KLHL6: variants seen among roughly 807,000 people sequenced by gnomAD.
The protein encoded by KLHL6 is kelch-like protein 6.
In KLHL6, 41 loss-of-function variants were observed where a neutral mutation model predicts 58.6. The ratio of observed to expected loss-of-function variants is 0.70; its 90% CI spans 0.55 to 0.91. KLHL6 has a LOEUF of 0.91. Among genes scored for constraint, KLHL6 ranks in the 40% least tolerant of loss-of-function variants. The pLI, the probability that KLHL6 is intolerant of heterozygous loss-of-function variation, is 0.00. For missense variants in KLHL6, 714 were observed against 805.6 expected (o/e 0.89, Z 1.38); for synonymous variants, 338 against 322.7 (o/e 1.05, Z -0.51).
At chr3:183,521,985 G>A (rs754066580) in intron 2 of KLHL6, among the ~76,000 whole-genome samples, 3 of 145,350 alleles carry the variant, frequency 2.1e-5, no homozygotes, top group Admixed American at 6.8e-5. Flanking sequence ...GTGAGCCACC[G>A]TGCCTGGCTA....
chr3:183,488,754 A>C lies in KLHL6; in HGVS notation c.*3173T>G, dbSNP rs1717465575. Reference sequence around the variant, plus strand: ...AAGTTCTCATCCTTGGCTGGTGCCTAGAAGCTAAAACCCTGATGACTATTC... The same window carrying C: ...AAGTTCTCATCCTTGGCTGGTGCCTCGAAGCTAAAACCCTGATGACTATTC... On this transcript the variant is annotated 3_prime_UTR_variant, in exon 7 of 7. Coordinates refer to ENST00000341319, the MANE Select transcript of KLHL6 (RefSeq NM_130446.4). 6.6e-6 allele frequency: 1 copy of C among 152,264 alleles called. No individual in the cohort carries two copies. The highest frequency in any genetic ancestry group is 1.5e-5 in the Non-Finnish European group (1 of 68,042). The allele number at this position is 152,264 out of a possible 1,614,324, so 9.4% of individuals were successfully genotyped here.
intron 1 of KLHL6, among the ~76,000 whole-genome samples, chr3:183,535,290 T>C (rs916346160): frequency 3.9e-5 from 6 of 152,144 alleles, no homozygotes; most frequent in African/African-American, 1.4e-4. Flanking sequence ...GTAGGCACAA[T>C]TCAAATGCCC....
At position 183,491,880 on chromosome 3, in the gene KLHL6, C is replaced by A; in HGVS notation, c.*47G>T. ...GACTGGAGGAGGGTGAGAGGTGAGG[C>A]GGGTACGCTGAGGGTCGGGGGGGCT... On this transcript the variant is annotated 3_prime_UTR_variant, in exon 7 of 7. Transcript: ENST00000341319. 1 of 1,432,712 alleles carries A rather than the reference C, an allele frequency of 7.0e-7. No individual in the cohort carries two copies. Among genetic ancestry groups the A allele is most frequent in the Non-Finnish European group, 9.2e-7 (1 of 1,083,402 alleles). 88.7% of individuals were successfully genotyped at this position (1,432,712 alleles called of 1,614,324 possible). A position where few individuals can be genotyped will look rare whatever the true frequency, so the allele number is the denominator to read the frequency against.
intron 2 of KLHL6, among the ~76,000 whole-genome samples, chr3:183,509,413 A>C (rs923517673): frequency 6.6e-6 from 1 of 152,240 alleles, no homozygotes; most frequent in African/African-American, 2.4e-5. Context: ...TATTTTTATA[A>C]AGAAAACATA....
chr3:183,526,186 C>T (rs1711961792), intron 2 of KLHL6, among the ~76,000 whole-genome samples: 1 of 152,198 alleles, frequency 6.6e-6, no homozygotes. Flanking sequence ...TGGCACATGC[C>T]TGTAATCCCA....
intron 1 of KLHL6, among the ~76,000 whole-genome samples, chr3:183,545,335 G>A (rs781115073): frequency 2.6e-5 from 4 of 152,178 alleles, no homozygotes; most frequent in East Asian, 1.9e-4. Context: ...AGCTCTTTTC[G>A]TGGACTGTTT....
rs3732586 is a variant in KLHL6, at chr3:183,499,678, G to A, written c.1059C>T (p.Leu353=). ...LRRSRLEVAK[L]PLTEHELESE... ...TCTCCAGCTCATGCTCTGTTAGCGG[G>A]AGCTTGGCCACCTCCAGGCGGCTGC... Residue 353 remains leucine, a synonymous_variant, in exon 4 of 7, where the codon CTC becomes CTT. Transcript: ENST00000341319. This position sits in a 1 kb window ranked among gnomAD's most constrained non-coding sequence, Gnocchi z 4.6. 595 of 1,611,770 alleles carry A rather than the reference G, an allele frequency of 3.7e-4. 5 individuals are homozygous for A. In the East Asian group the frequency reaches 0.012, roughly 32 times the overall value.
At chr3:183,519,449 A>G (rs1711670261) in intron 2 of KLHL6, among the ~76,000 whole-genome samples, 1 of 152,168 alleles carries the variant, frequency 6.6e-6, no homozygotes, top group Admixed American at 6.5e-5. Context: ...TCTTTTTTCA[A>G]TGCCCTGGCA....
chr3:183,552,736 A>G (rs1577207941), intron 1 of KLHL6, among the ~76,000 whole-genome samples: 2 of 151,430 alleles, frequency 1.3e-5, no homozygotes, highest in Admixed American at 1.3e-4. Flanking sequence ...AAAAAAAAAA[A>G]AAAAAAGAAA....
chr3:183,525,269 A>AACACACACACACACACAC (rs1553811030), intron 2 of KLHL6, among the ~76,000 whole-genome samples: 4 of 133,866 alleles, frequency 3.0e-5, no homozygotes, highest in African/African-American at 1.1e-4. Flanking sequence ...CTAAAAAAAA[A>AACACACACACACACACAC]ACACACACAC....
Position 183,531,204 on chromosome 3 carries a change from G to A in KLHL6, c.294-3194C>T, listed in dbSNP as rs567469007. On this transcript the variant is annotated intron_variant, in intron 1 of 6. Transcript: ENST00000341319. The stretch of plus-strand genomic sequence containing the variant: ...CAGAGATAATCAGGACCACTGCCTC[G>A]GTTCAAGAAGCCAGACAGCCTCCAT... 9.9e-5 allele frequency among the ~76,000 whole-genome samples: 15 copies of A among 152,064 alleles called. No individual in the cohort carries two copies. In the South Asian group the frequency reaches 2.9e-3, roughly 30 times the overall value.
chr3:183,551,861 T>C (rs552993385), intron 1 of KLHL6, among the ~76,000 whole-genome samples: 1 of 152,288 alleles, frequency 6.6e-6, no homozygotes, highest in South Asian at 2.1e-4. Context: ...TGTTTACTAT[T>C]TGCATATCTT....
intron 2 of KLHL6, among the ~76,000 whole-genome samples, chr3:183,524,967 T>C (rs750257388): frequency 2.0e-5 from 3 of 152,162 alleles, no homozygotes; most frequent in East Asian, 1.9e-4. Flanking sequence ...CGTATGAACA[T>C]GATAAAAAAA....
At chr3:183,515,705 C>A (rs988567074) in intron 2 of KLHL6, among the ~76,000 whole-genome samples, 1 of 152,134 alleles carries the variant, frequency 6.6e-6, no homozygotes, top group Non-Finnish European at 1.5e-5. Flanking sequence ...CTTGCTTTCC[C>A]CTTTTGTGGA....
intron 4 of KLHL6, among the ~76,000 whole-genome samples, chr3:183,497,026 C>A (rs1717731121): frequency 6.6e-6 from 1 of 151,882 alleles, no homozygotes; most frequent in Non-Finnish European, 1.5e-5. Context: ...CGCCTGTAAT[C>A]CCAGCACTTT....
chr3:183,499,688 A>G lies in KLHL6; in HGVS notation c.1049T>C (p.Val350Ala). 1.2e-6 allele frequency: 2 copies of G among 1,611,032 alleles called. No individual in the cohort carries two copies. The highest frequency in any genetic ancestry group is 4.5e-5 in the East Asian group (2 of 44,830). ...ATGCTCTGTTAGCGGGAGCTTGGCC[A>G]CCTCCAGGCGGCTGCGCCTCAGGGG... Reference protein sequence around the residue: ...LDPLRRSRLEVAKLPLTEHEL... With the variant: ...LDPLRRSRLEAAKLPLTEHEL... Residue 350 changes from valine to alanine, a missense_variant, in exon 4 of 7, where the codon GTG becomes GCG. By Grantham distance (64) the Val-to-Ala change is moderately conservative (BLOSUM62 0). Around this residue, in one of 2 missense-constraint regions of KLHL6, gnomAD observed 510 missense variants for 629.7 expected, o/e 0.81. Coordinates refer to ENST00000341319, the MANE Select transcript of KLHL6 (RefSeq NM_130446.4). This position sits in a 1 kb window ranked among gnomAD's most constrained non-coding sequence, Gnocchi z 4.6.
At chr3:183,554,314 A>G (rs573836201) in intron 1 of KLHL6, among the ~76,000 whole-genome samples, 4 of 152,296 alleles carry the variant, frequency 2.6e-5, no homozygotes, top group East Asian at 1.9e-4. Context: ...GAATTCCAAG[A>G]AAGATATATT....
chr3:183,502,449 GT>G (rs1324836305), intron 3 of KLHL6, among the ~76,000 whole-genome samples: 1 of 152,138 alleles, frequency 6.6e-6, no homozygotes, highest in Non-Finnish European at 1.5e-5. Context: ...CCTCCATGCT[GT>G]TCTAGAATTG....
At chr3:183,505,925 C>T (rs1717988853) in intron 3 of KLHL6, among the ~76,000 whole-genome samples, 2 of 152,180 alleles carry the variant, frequency 1.3e-5, no homozygotes, top group African/African-American at 4.8e-5. Flanking sequence ...ACACCAGGCT[C>T]TGGTAAATTC....
Sources: gnomAD v4.1 joint callset for allele counts (sites outside exome capture counted in the v4.1 genomes callset) on GRCh38, gnomAD v4.1.1 for gene constraint, gnomAD v4.1.1 regional missense constraint, Gnocchi (gnomAD v3.1) non-coding constraint, MANE v1.5 for transcripts, NCBI Gene and HGNC (gene_info 2026-07-23, HGNC 2026-07-21) for gene names.